AGBL4: variants seen among roughly 807,000 people sequenced by gnomAD.
AGBL4 encodes the protein AGBL carboxypeptidase 4, also known as cytosolic carboxypeptidase 6.
A neutral mutation model predicts 66.4 loss-of-function variants in AGBL4; 58 were observed. The ratio of observed to expected loss-of-function variants is 0.87; its 90% confidence interval spans 0.71 to 1.09. The LOEUF (loss-of-function observed/expected upper bound fraction) is 1.09. Ranked by LOEUF, AGBL4 falls within the 50% of genes least tolerant of loss-of-function variation. The pLI, the probability that AGBL4 is intolerant of heterozygous loss-of-function variation, is 0.00. For synonymous variants in AGBL4, 234 were observed against 222.9 expected (o/e 1.05, Z -0.44); for missense variants, 579 against 631.0 (o/e 0.92, Z 0.88).
chr1:49,494,689 G>C lies in AGBL4; in HGVS notation c.282+202624C>G, dbSNP rs936138587. Among the ~76,000 whole-genome samples, 22 of 152,062 alleles carry C rather than the reference G, an allele frequency of 1.4e-4. No homozygotes were observed. In the East Asian group the frequency reaches 1.9e-3, roughly 13 times the overall value. ...CAGTCTAATACTGTTAGACATTTGG[G>C]TTGGTTCCAAGTCTTTGCTATTGTG... is the stretch of plus-strand genomic sequence containing the variant. On this transcript the variant is annotated intron_variant, in intron 3 of 13. Transcript: ENST00000371839.
chr1:49,775,575 G>T (rs1644174719), intron 2 of AGBL4, among the ~76,000 whole-genome samples: 1 of 151,862 alleles, frequency 6.6e-6, no homozygotes, highest in Non-Finnish European at 1.5e-5. Context: ...TTTTCTAACA[G>T]GTCAAGCTAT....
intron 6 of AGBL4, among the ~76,000 whole-genome samples, chr1:48,814,466 A>C (rs983273488): frequency 6.6e-5 from 10 of 152,156 alleles, no homozygotes; most frequent in Non-Finnish European, 1.5e-4. Flanking sequence ...GAAACATTCA[A>C]TATCATTGTT....
intron 5 of AGBL4, among the ~76,000 whole-genome samples, chr1:49,002,389 A>G (rs1661458882): frequency 6.6e-6 from 1 of 152,196 alleles, no homozygotes; most frequent in Non-Finnish European, 1.5e-5. Flanking sequence ...TCTGTTCACC[A>G]GGCTGTGATG....
At chr1:48,587,221 T>C (rs1644837130) in intron 10 of AGBL4, 55 bp from the exon 11 acceptor site, 1 of 1,504,586 alleles carries the variant, frequency 6.6e-7, no homozygotes, top group African/African-American at 1.4e-5. Context: ...CAAATTGGAT[T>C]GTGGGCAAAT....
intron 6 of AGBL4, chr1:48,776,718 G>T: frequency 6.5e-7 from 1 of 1,527,552 alleles, no homozygotes; most frequent in Non-Finnish European, 8.8e-7. Context: ...GGTACACGGC[G>T]TACACCTTCT....
chr1:48,738,043 A>AC (rs1206646311), intron 6 of AGBL4, among the ~76,000 whole-genome samples: 2 of 152,204 alleles, frequency 1.3e-5, no homozygotes, highest in Non-Finnish European at 2.9e-5. Flanking sequence ...CTAATGGCAG[A>AC]CCAGCAAGAT....
intron 5 of AGBL4, among the ~76,000 whole-genome samples, chr1:49,003,325 G>A (rs1571204735): frequency 6.6e-6 from 1 of 152,128 alleles, no homozygotes; most frequent in Non-Finnish European, 1.5e-5. Context: ...TTGAACCCAG[G>A]AGGCAGAGGT....
At chr1:48,671,931 C>T (rs905650918) in intron 6 of AGBL4, among the ~76,000 whole-genome samples, 1 of 152,190 alleles carries the variant, frequency 6.6e-6, no homozygotes, top group Non-Finnish European at 1.5e-5. Context: ...CACTGGCAGA[C>T]CCCAGAAATT....
chr1:49,344,974 T>C (rs1025219215), intron 3 of AGBL4, among the ~76,000 whole-genome samples: 2 of 152,212 alleles, frequency 1.3e-5, no homozygotes, highest in African/African-American at 4.8e-5. Context: ...TTCTCTTTTA[T>C]AATATCAAGT....
chr1:49,162,340 G>A (rs967922679), intron 4 of AGBL4, among the ~76,000 whole-genome samples: 3 of 151,948 alleles, frequency 2.0e-5, no homozygotes, highest in Non-Finnish European at 4.4e-5. Context: ...CTATATTTCT[G>A]GAGTTACTTT....
intron 1 of AGBL4, among the ~76,000 whole-genome samples, chr1:49,888,764 G>A (rs954486865): frequency 2.6e-5 from 4 of 152,114 alleles, no homozygotes; most frequent in African/African-American, 4.8e-5. Context: ...CCTTTTTCAT[G>A]AGAGGCAGTT....
chr1:49,726,090 A>T (rs1649011098), intron 2 of AGBL4, among the ~76,000 whole-genome samples: 1 of 152,184 alleles, frequency 6.6e-6, no homozygotes, highest in African/African-American at 2.4e-5. Flanking sequence ...TGAAGCAAGT[A>T]TAATGACAAT....
intron 2 of AGBL4, among the ~76,000 whole-genome samples, chr1:49,753,548 G>T (rs1651644975): frequency 6.6e-6 from 1 of 152,006 alleles, no homozygotes; most frequent in South Asian, 2.1e-4. Flanking sequence ...TATGTGTCTT[G>T]GGGTTGCTAT....
intron 3 of AGBL4, among the ~76,000 whole-genome samples, chr1:49,654,033 A>G (rs1452222284): frequency 1.9e-4 from 29 of 152,150 alleles, no homozygotes; most frequent in Non-Finnish European, 1.5e-5. Context: ...CAGATTCTCC[A>G]AGATCGAAAC....
intron 3 of AGBL4, among the ~76,000 whole-genome samples, chr1:49,529,281 G>T (rs1288137984): frequency 6.6e-6 from 1 of 152,058 alleles, no homozygotes; most frequent in South Asian, 2.1e-4. Flanking sequence ...TGGATTTTGG[G>T]ATAAGAAAAA....
intron 6 of AGBL4, among the ~76,000 whole-genome samples, chr1:48,789,280 A>T (rs1645480710): frequency 1.8e-5 from 1 of 56,756 alleles, no homozygotes; most frequent in African/African-American, 4.0e-5. Context: ...CTGCGTGGAT[A>T]TATATATATA....
chr1:48,960,128 T>C (rs1287586639), intron 5 of AGBL4, among the ~76,000 whole-genome samples: 1 of 152,100 alleles, frequency 6.6e-6, no homozygotes, highest in East Asian at 1.9e-4. Flanking sequence ...CATATAATGA[T>C]GGTTTGGGAC....
chr1:48,899,775 C>T (rs1269688855), intron 5 of AGBL4, among the ~76,000 whole-genome samples: 2 of 152,228 alleles, frequency 1.3e-5, no homozygotes, highest in African/African-American at 2.4e-5. Context: ...ATGTCCCAAG[C>T]TCTTTGCTAG....
intron 3 of AGBL4, among the ~76,000 whole-genome samples, chr1:49,436,359 A>T (rs1645903344): frequency 6.6e-6 from 1 of 152,208 alleles, no homozygotes; most frequent in South Asian, 2.1e-4. Flanking sequence ...TATTGCTCAC[A>T]TATGATTATA....
Sources: allele counts gnomAD v4.1 joint callset (sites outside exome capture counted in the v4.1 genomes callset), GRCh38; gene constraint gnomAD v4.1.1; transcripts MANE v1.5; gene names NCBI Gene and HGNC (gene_info 2026-07-23, HGNC 2026-07-21).